Variants in DMD observed in about 807,000 individuals in gnomAD.
DMD encodes mutant dystrophin.
DMD carries 63 observed loss-of-function variants against 330.1 expected under a neutral mutation model. The observed-to-expected ratio is 0.19, with a 90% CI of 0.16 to 0.24. The LOEUF is 0.24. Ranked by LOEUF, DMD falls within the 10% of genes least tolerant of loss-of-function variation. The pLI, the probability that DMD is intolerant of heterozygous loss-of-function variation, is 1.00. For missense variants in DMD, 3,344 were observed against 2,684.1 expected, an observed-to-expected ratio of 1.25 and a Z score of -5.43; for synonymous variants, 1,223 against 959.8, an observed-to-expected ratio of 1.27 and a Z score of -5.07.
intron 1 of DMD, among the ~76,000 whole-genome samples, chrX:33,029,888 G>T (rs1311385718): frequency 2.7e-5 from 3 of 111,680 alleles, no homozygotes; most frequent in Non-Finnish European, 5.6e-5. Flanking sequence ...GGTAGATTGT[G>T]CAAACAGTTA....
chrX:32,957,648 G>A (rs768197212), intron 2 of DMD, among the ~76,000 whole-genome samples: 2 of 111,522 alleles, frequency 1.8e-5, no homozygotes, highest in South Asian at 3.7e-4. Context: ...CAGATATTGT[G>A]ATTTAAGGGC....
chrX:32,344,956 T>C (rs929410044), intron 39 of DMD, among the ~76,000 whole-genome samples: 8 of 111,730 alleles, frequency 7.2e-5, no homozygotes, highest in African/African-American at 2.0e-4. Context: ...GAACACCTGC[T>C]GGCCAATTAG....
intron 44 of DMD, among the ~76,000 whole-genome samples, chrX:32,214,201 C>T (rs1422173471): frequency 1.0e-5 from 1 of 98,697 alleles, no homozygotes; most frequent in Non-Finnish European, 2.0e-5. Context: ...ACTTAATCTC[C>T]TGCCTGAAAC....
At chrX:32,859,461 T>A (rs7054619) in intron 2 of DMD, among the ~76,000 whole-genome samples, 18 of 86,048 alleles carry the variant, frequency 2.1e-4, no homozygotes, top group South Asian at 7.1e-4. Flanking sequence ...AAGCAAGATC[T>A]CACACACACA....
chrX:31,559,640 CA>C (rs1167550498), intron 55 of DMD, among the ~76,000 whole-genome samples: 571 of 21,600 alleles, frequency 0.026, 10 homozygotes, highest in African/African-American at 0.063. Context: ...AACTCCGTCT[CA>C]AAAAAAAAAA....
At chrX:32,394,816 C>T (rs1390954261) in intron 30 of DMD, among the ~76,000 whole-genome samples, 1 of 106,511 alleles carries the variant, frequency 9.4e-6, no homozygotes, top group Non-Finnish European at 1.9e-5. Flanking sequence ...TTTTTCCATC[C>T]CCTTAGCCTC....
At chrX:31,928,650 G>A (rs2094813555) in intron 47 of DMD, among the ~76,000 whole-genome samples, 1 of 110,694 alleles carries the variant, frequency 9.0e-6, no homozygotes, top group South Asian at 3.9e-4. Context: ...AAACTGTGGT[G>A]ATGGTTGTAA....
At chrX:32,278,617 A>C (rs990843239) in intron 43 of DMD, among the ~76,000 whole-genome samples, 25 of 111,673 alleles carry the variant, frequency 2.2e-4, no homozygotes, top group Non-Finnish European at 4.3e-4. Flanking sequence ...GCAGCCAAAA[A>C]ACACATGAAA....
At chrX:32,394,927 A>C (rs377334444) in intron 30 of DMD, among the ~76,000 whole-genome samples, 19 of 90,718 alleles carry the variant, frequency 2.1e-4, no homozygotes, top group East Asian at 3.9e-4. Flanking sequence ...AAAAAAAAAA[A>C]AAAAAAGAAA....
intron 60 of DMD, among the ~76,000 whole-genome samples, chrX:31,406,002 G>C (rs974044098): frequency 8.9e-6 from 1 of 112,041 alleles, no homozygotes; most frequent in African/African-American, 3.2e-5. Context: ...AACAAACAGT[G>C]CATGAATTTC....
intron 41 of DMD, among the ~76,000 whole-genome samples, chrX:32,330,571 T>C (rs1390253574): frequency 1.8e-5 from 2 of 111,946 alleles, no homozygotes; most frequent in Non-Finnish European, 3.8e-5. Context: ...CAAATTTAGA[T>C]TGGAGAAAAT....
intron 74 of DMD, among the ~76,000 whole-genome samples, chrX:31,156,003 A>T (rs755128866): frequency 3.6e-5 from 4 of 110,809 alleles, no homozygotes; most frequent in Non-Finnish European, 7.6e-5. Context: ...TAAAAAAAAA[A>T]GTGACAATAA....
intron 2 of DMD, among the ~76,000 whole-genome samples, chrX:32,936,902 C>T (rs1042197643): frequency 6.3e-5 from 7 of 111,663 alleles, no homozygotes; most frequent in Admixed American, 2.9e-4. Flanking sequence ...TATCAAAAAA[C>T]GTGTAATGCT....
rs1372348970 is a variant in DMD at position 31,366,488 on chromosome X, A to T, written c.9085-17854T>A. Among the ~76,000 whole-genome samples the T allele has an allele frequency of 8.4e-4, 83 of 99,049 alleles. 1 individual carries two copies. Among genetic ancestry groups the T allele is most frequent in the African/African-American group, 3.1e-3 (81 of 25,869 alleles). 86.0% of individuals were successfully genotyped at this position (99,049 alleles called of 115,157 possible). On this transcript the variant is annotated intron_variant, in intron 60 of 78. Transcript: ENST00000357033. ...TCTCTCTCAAAAAAAAAAAAAAAAA[A>T]AAAAAAAACATAAAAAAAAAAATAA... is the stretch of plus-strand genomic sequence containing the variant.
chrX:32,616,590 C>T (rs2149359645), intron 11 of DMD, among the ~76,000 whole-genome samples: 1 of 108,747 alleles, frequency 9.2e-6, no homozygotes, highest in East Asian at 2.9e-4. Flanking sequence ...TGGAGTTTAG[C>T]ATGTTCTTAC....
intron 7 of DMD, among the ~76,000 whole-genome samples, chrX:32,711,568 A>G (rs750763924): frequency 3.6e-5 from 4 of 112,203 alleles, no homozygotes; most frequent in Non-Finnish European, 7.5e-5. Flanking sequence ...TTTTAATTTC[A>G]TAAGTCTGGA....
intron 49 of DMD, among the ~76,000 whole-genome samples, chrX:31,823,391 A>G (rs1374238326): frequency 8.9e-6 from 1 of 111,982 alleles, no homozygotes; most frequent in African/African-American, 3.2e-5. Context: ...AGAGGAGTTC[A>G]GTAAATATTT....
chrX:32,755,370 G>A (rs1253235812), intron 7 of DMD, among the ~76,000 whole-genome samples: 2 of 111,227 alleles, frequency 1.8e-5, no homozygotes, highest in African/African-American at 6.5e-5. Context: ...AGATACGGAA[G>A]TGAGCACACA....
chrX:32,205,018 C>CAT (rs1569550741), intron 44 of DMD, among the ~76,000 whole-genome samples: 1 of 78,806 alleles, frequency 1.3e-5, no homozygotes, highest in Non-Finnish European at 2.6e-5. Context: ...CATACACACA[C>CAT]ACACACACAC....
Sources: allele counts gnomAD v4.1 joint callset (sites outside exome capture counted in the v4.1 genomes callset), GRCh38; gene constraint gnomAD v4.1.1; transcripts MANE v1.5; gene names NCBI Gene and HGNC (gene_info 2026-07-23, HGNC 2026-07-21).